Variants in FSD1 observed in about 807,000 individuals in gnomAD.
The protein encoded by FSD1 is fibronectin type III and SPRY domain-containing protein 1.
A neutral mutation model predicts 58.2 loss-of-function variants in FSD1; 23 were observed. That is an observed-to-expected ratio of 0.40 (90% CI 0.28 to 0.56). FSD1 has a LOEUF of 0.56. Among genes scored for constraint, FSD1 ranks in the 20% least tolerant of loss-of-function variants. FSD1 has a pLI of 0.54. For synonymous variants in FSD1, 265 were observed against 263.4 expected, an observed-to-expected ratio of 1.01 and a Z score of -0.06; for missense variants, 563 against 670.8, an observed-to-expected ratio of 0.84 and a Z score of 1.78.
intron 9 of FSD1, 148 bp downstream of exon 9, chr19:4,318,653 A>T: frequency 1.2e-6 from 1 of 820,962 alleles, no homozygotes; most frequent in Non-Finnish European, 1.9e-6. Context: ...GGAGGTTTTG[A>T]GTGGAGTTTT....
intron 10 of FSD1, 59 bp from the exon 11 acceptor site, chr19:4,322,927 G>C: frequency 6.5e-7 from 1 of 1,544,372 alleles, no homozygotes; most frequent in Non-Finnish European, 8.8e-7. Context: ...TTGTGGAAGG[G>C]CATCTGTGGC....
chr19:4,323,499 T>TGCGGGGGGG lies in FSD1; in HGVS notation c.1381-33_1381-32insCGGGGGGGG. On this transcript the variant is annotated intron_variant, in intron 12 of 12. Coordinates refer to ENST00000221856, the MANE Select transcript of FSD1 (RefSeq NM_024333.3). This position sits in a 1 kb window ranked among gnomAD's most constrained non-coding sequence, Gnocchi z 7.7. ...GGTGCTGGGCGCTGGGGTTTGAAGC[T>TGCGGGGGGG]GAGCCCCTCCCCCCTCCCCCCGCTG... 1.3e-6 allele frequency: 2 copies of TGCGGGGGGG among 1,577,828 alleles called. No individual in the cohort carries two copies. The highest frequency in any genetic ancestry group is 1.7e-6 in the Non-Finnish European group (2 of 1,148,732).
At chr19:4,309,220 C>A (rs1018072504) in intron 4 of FSD1, among the ~76,000 whole-genome samples, 3 of 151,876 alleles carry the variant, frequency 2.0e-5, no homozygotes, top group African/African-American at 7.3e-5. Context: ...TGCACTCTAG[C>A]CTGAGGGACA....
At chr19:4,315,235 C>T (rs1301344898) in intron 7 of FSD1, among the ~76,000 whole-genome samples, 1 of 151,952 alleles carries the variant, frequency 6.6e-6, no homozygotes, top group Non-Finnish European at 1.5e-5. Flanking sequence ...AAGCGATTCT[C>T]CTGCCTCAAC....
chr19:4,314,076 A>C (rs1299002736), intron 7 of FSD1, among the ~76,000 whole-genome samples: 3 of 151,864 alleles, frequency 2.0e-5, no homozygotes, highest in Admixed American at 6.6e-5. Context: ...GGAATCCCGG[A>C]GGGGCGGGGA....
intron 6 of FSD1, 60 bp downstream of exon 6, chr19:4,310,656 G>T: frequency 6.4e-7 from 1 of 1,571,736 alleles, no homozygotes; most frequent in Non-Finnish European, 8.6e-7. Context: ...GAGGCTAGGA[G>T]GCCCTGAAAC....
chr19:4,314,070 T>A (rs116297382), intron 7 of FSD1, among the ~76,000 whole-genome samples: 1,599 of 151,896 alleles, frequency 0.011, 25 homozygotes, highest in African/African-American at 0.035. Flanking sequence ...TCCAGGGGAA[T>A]CCCGGAGGGG....
intron 4 of FSD1, among the ~76,000 whole-genome samples, chr19:4,309,690 A>T (rs1971665867): frequency 6.6e-6 from 1 of 150,382 alleles, no homozygotes; most frequent in Non-Finnish European, 1.5e-5. Context: ...CGGGCCGATC[A>T]TGAGGTCAGG....
At chr19:4,322,890 G>A in intron 10 of FSD1, 96 bp from the exon 11 acceptor site, 1 of 1,435,666 alleles carries the variant, frequency 7.0e-7, no homozygotes, top group Non-Finnish European at 9.4e-7. Context: ...CAGCTGTGGT[G>A]TAAGGAGCAC....
At chr19:4,308,690 A>G (rs1971652957) in intron 4 of FSD1, among the ~76,000 whole-genome samples, 1 of 150,682 alleles carries the variant, frequency 6.6e-6, no homozygotes, top group Non-Finnish European at 1.5e-5. Context: ...CGTCTCTACT[A>G]AAAAAAAATA....
intron 1 of FSD1, among the ~76,000 whole-genome samples, 163 bp from the exon 2 acceptor site, chr19:4,305,783 C>CGT (rs1422666267): frequency 6.6e-6 from 1 of 151,942 alleles, no homozygotes; most frequent in Non-Finnish European, 1.5e-5. Flanking sequence ...ACCTGCCTGC[C>CGT]GTGTGTGTGT....
chr19:4,323,562 A>G lies in FSD1; in HGVS notation c.1410A>G (p.Thr470=). The change falls in exon 13 of 13, where the codon ACA becomes ACG. Residue 470 remains threonine, a synonymous_variant. Coordinates refer to ENST00000221856, the MANE Select transcript of FSD1 (RefSeq NM_024333.3). This position sits in a 1 kb window ranked among gnomAD's most constrained non-coding sequence, Gnocchi z 7.7. ...TVWCGSFQVT[T]GLQVPSAVRC... is the part of the protein sequence containing the mutation. The stretch of plus-strand genomic sequence containing the variant: ...GGTGTGGCAGCTTCCAGGTGACGAC[A>G]GGCCTGCAGGTCCCCAGTGCTGTGC... 3 of 1,610,966 alleles carry G rather than the reference A, an allele frequency of 1.9e-6. No individual in the cohort carries two copies. Among genetic ancestry groups the G allele is most frequent in the Non-Finnish European group, 2.5e-6 (3 of 1,178,992 alleles).
intron 8 of FSD1, among the ~76,000 whole-genome samples, chr19:4,318,087 C>T (rs1248058690): frequency 3.3e-5 from 5 of 151,830 alleles, no homozygotes; most frequent in Non-Finnish European, 7.4e-5. Flanking sequence ...TTGGCCTTCG[C>T]GCTTCTGGCT....
intron 8 of FSD1, among the ~76,000 whole-genome samples, 172 bp downstream of exon 8, chr19:4,317,452 C>T (rs1350820512): frequency 6.6e-6 from 1 of 152,104 alleles, no homozygotes. Flanking sequence ...CTGTTTTTGT[C>T]CTTTGCTTCT....
At position 4,311,952 on chromosome 19, in the gene FSD1, G is replaced by C. The variant is rs1971697518; in HGVS notation, c.601G>C (p.Glu201Gln). The change falls in exon 7 of 13, where the codon GAG becomes CAG. Residue 201 changes from glutamate to glutamine, a missense_variant. Transcript: ENST00000221856. ...CAGCAAGATTGACCACTACGTGCTGGAGTACCGGCGGACCAACTTCGAGGG... is the reference window on the plus strand; with the variant it reads ...CAGCAAGATTGACCACTACGTGCTGCAGTACCGGCGGACCAACTTCGAGGG... ...EDSKIDHYVL[E>Q]YRRTNFEGPP... The C allele has an allele frequency of 6.2e-7, 1 of 1,613,590 alleles. No individual in the cohort carries two copies. The highest frequency in any genetic ancestry group is 8.5e-7 in the Non-Finnish European group (1 of 1,180,022).
chr19:4,317,842 C>T (rs1489022833), intron 8 of FSD1, among the ~76,000 whole-genome samples: 1 of 152,114 alleles, frequency 6.6e-6, no homozygotes, highest in African/African-American at 2.4e-5. Flanking sequence ...TATGGTGAAA[C>T]CCCGTCTCTA....
intron 7 of FSD1, among the ~76,000 whole-genome samples, chr19:4,313,231 C>T (rs1427400662): frequency 6.6e-6 from 1 of 151,608 alleles, no homozygotes; most frequent in African/African-American, 2.4e-5. Flanking sequence ...TCCCCGCTAC[C>T]AAGGGAGGCT....
In FSD1 at chr19:4,306,864, G is replaced by A. The variant is rs573034458; in HGVS notation, c.243+535G>A. Among the ~76,000 whole-genome samples the A allele has an allele frequency of 9.2e-5, 14 of 151,904 alleles. 1 individual carries two copies. In the South Asian group the frequency reaches 2.9e-3, roughly 32 times the overall value. On this transcript the variant is annotated intron_variant, in intron 3 of 12. Coordinates refer to ENST00000221856, the MANE Select transcript of FSD1 (RefSeq NM_024333.3). ...TCCGGTTTCTCAGCCCTTCCCACTGGCCCCCCAGATCTGAAGGTATCACCT... is the reference window on the plus strand; with the variant it reads ...TCCGGTTTCTCAGCCCTTCCCACTGACCCCCCAGATCTGAAGGTATCACCT...
At chr19:4,306,473 T>G in intron 3 of FSD1, 144 bp downstream of exon 3, 1 of 246,546 alleles carries the variant, frequency 4.1e-6, no homozygotes, top group Non-Finnish European at 7.2e-6. Flanking sequence ...ACACTCTCTC[T>G]TTTTTTTTTT....
Sources: allele counts gnomAD v4.1 joint callset (sites outside exome capture counted in the v4.1 genomes callset), GRCh38; gene constraint gnomAD v4.1.1; non-coding constraint Gnocchi (gnomAD v3.1); transcripts MANE v1.5; gene names NCBI Gene and HGNC (gene_info 2026-07-23, HGNC 2026-07-21).